Variants in KCNQ1 observed in about 807,000 individuals in gnomAD.
The protein encoded by KCNQ1 is potassium voltage-gated channel subfamily KQT member 1.
A neutral mutation model predicts 72.4 loss-of-function variants in KCNQ1; 49 were observed. That is an observed-to-expected ratio of 0.68 (90% CI 0.54 to 0.86). KCNQ1 has a LOEUF of 0.86. KCNQ1 is among the 40% of genes least tolerant of loss of function. The probability of loss-of-function intolerance (pLI) is 0.00; values close to 1 mark genes in which losing one functional copy is unlikely to be tolerated. For synonymous variants in KCNQ1, 450 were observed against 412.6 expected (o/e 1.09, Z -1.10); for missense variants, 790 against 945.1 (o/e 0.84, Z 2.15).
In KCNQ1 at chr11:2,828,810, G is replaced by A. The variant is rs1358616053; in HGVS notation, c.1795-18957G>A. On this transcript the variant is annotated intron_variant, in intron 15 of 15. Coordinates refer to ENST00000155840, the MANE Select transcript of KCNQ1 (RefSeq NM_000218.3). The surrounding 1 kb of genome is among the most constrained non-coding windows in gnomAD (Gnocchi z 5.3). ...CACTTCCCTCATCAACTCCCAGAAT[G>A]CCCGGTGGGGCACACCATTGTTTTC... Among the ~76,000 whole-genome samples the A allele has an allele frequency of 6.6e-6, 1 of 152,200 alleles. No homozygotes were observed. The highest frequency in any genetic ancestry group is 1.5e-5 in the Non-Finnish European group (1 of 68,032).
rs1158163280 is a variant in KCNQ1 at position 2,559,302 on chromosome 11, A to G, written c.478-11326A>G. 1.3e-5 allele frequency among the ~76,000 whole-genome samples: 2 copies of G among 152,154 alleles called. No homozygotes were observed. The highest frequency in any genetic ancestry group is 2.9e-5 in the Non-Finnish European group (2 of 68,018). On this transcript the variant is annotated intron_variant, in intron 2 of 15. Transcript: ENST00000155840. The surrounding 1 kb of genome is among the most constrained non-coding windows in gnomAD (Gnocchi z 4.9). ...CTGGAGGGTCGTAGAGAAATGTGTG[A>G]ACATGGCTCCCCTTAGGCCAGGGGT...
In KCNQ1 at chr11:2,462,368, C is replaced by G. The variant is rs1193357534; in HGVS notation, c.386+16884C>G. Among the ~76,000 whole-genome samples the G allele has an allele frequency of 6.6e-6, 1 of 152,208 alleles. No homozygotes were observed. ...TCCTCCTCCTTCTGACTTGCCTCCT[C>G]TCTCTGACGGGCCTGCTCCTGAGCT... On this transcript the variant is annotated intron_variant, in intron 1 of 15. Transcript: ENST00000155840. The surrounding 1 kb of genome is among the most constrained non-coding windows in gnomAD (Gnocchi z 8.2).
Position 2,704,097 on chromosome 11 carries a change from G to A in KCNQ1, c.1514+42016G>A, listed in dbSNP as rs903170180. On this transcript the variant is annotated intron_variant, in intron 11 of 15. Transcript: ENST00000155840. The surrounding 1 kb of genome is among the most constrained non-coding windows in gnomAD (Gnocchi z 4.3). ...TGTGGCCCCTCCTCGGTCCCCTTCAGTGAGGCTTTTTGCATGCATTGGTCC... is the reference window on the plus strand; with the variant it reads ...TGTGGCCCCTCCTCGGTCCCCTTCAATGAGGCTTTTTGCATGCATTGGTCC... Among the ~76,000 whole-genome samples the A allele has an allele frequency of 1.3e-5, 2 of 152,238 alleles. No homozygotes were observed. Among genetic ancestry groups the A allele is most frequent in the South Asian group, 2.1e-4 (1 of 4,836 alleles).
At position 2,711,952 on chromosome 11, in the gene KCNQ1, C is replaced by G. The variant is rs1056053686; in HGVS notation, c.1514+49871C>G. 6.6e-5 allele frequency among the ~76,000 whole-genome samples: 10 copies of G among 152,160 alleles called. No individual in the cohort carries two copies. Among genetic ancestry groups the G allele is most frequent in the African/African-American group, 2.4e-4 (10 of 41,518 alleles). On this transcript the variant is annotated intron_variant, in intron 11 of 15. Transcript: ENST00000155840. The surrounding 1 kb of genome is among the most constrained non-coding windows in gnomAD (Gnocchi z 5.4). ...GCTCACCTGCTCACCTGTGTCCATCCCCTTGGGCAGCACACAGCCAAGTCC... is the reference window on the plus strand; with the variant it reads ...GCTCACCTGCTCACCTGTGTCCATCGCCTTGGGCAGCACACAGCCAAGTCC...
chr11:2,520,885 G>A (rs1019428286), intron 1 of KCNQ1, among the ~76,000 whole-genome samples: 2 of 151,976 alleles, frequency 1.3e-5, no homozygotes, highest in South Asian at 4.1e-4. Flanking sequence ...TCCTGCCTTC[G>A]GCTTTAGGTT....
rs1239322470 is a variant in KCNQ1, at chr11:2,526,165, T to C, written c.387-1763T>C. Among the ~76,000 whole-genome samples, 3 of 152,174 alleles carry C rather than the reference T, an allele frequency of 2.0e-5. No individual in the cohort carries two copies. The highest frequency in any genetic ancestry group is 6.5e-5 in the Admixed American group (1 of 15,300). On this transcript the variant is annotated intron_variant, in intron 1 of 15. Transcript: ENST00000155840. The surrounding 1 kb of genome is among the most constrained non-coding windows in gnomAD (Gnocchi z 6.1). Reference sequence around the variant, plus strand: ...AGGGCCGGGAGGAGCTGGGGTGATCTGGGGCCATCGTGGTGTAAATACTGG... The same window carrying C: ...AGGGCCGGGAGGAGCTGGGGTGATCCGGGGCCATCGTGGTGTAAATACTGG...
At position 2,691,161 on chromosome 11, in the gene KCNQ1, A is replaced by T; in HGVS notation, c.1514+29080A>T. The T allele has an allele frequency of 2.5e-6, 1 of 398,638 alleles. No individual in the cohort carries two copies. The highest frequency in any genetic ancestry group is 1.3e-4 in the South Asian group (1 of 7,848). The allele number at this position is 398,638 out of a possible 1,614,324, so 24.7% of individuals were successfully genotyped here. Reference sequence around the variant, plus strand: ...AGTCTGTGCTGGCCTCTGGCCTCTCACAGCCTTGGGAGGGGTGCTCAGAGC... The same window carrying T: ...AGTCTGTGCTGGCCTCTGGCCTCTCTCAGCCTTGGGAGGGGTGCTCAGAGC... On this transcript the variant is annotated intron_variant, in intron 11 of 15. Coordinates refer to ENST00000155840, the MANE Select transcript of KCNQ1 (RefSeq NM_000218.3). This position sits in a 1 kb window ranked among gnomAD's most constrained non-coding sequence, Gnocchi z 6.4.
At chr11:2,584,251 A>G (rs971927652) in intron 7 of KCNQ1, among the ~76,000 whole-genome samples, 1 of 70,342 alleles carries the variant, frequency 1.4e-5, no homozygotes, top group African/African-American at 6.1e-5. Flanking sequence ...TGTCACAGGT[A>G]TGTATCCTAT....
chr11:2,716,940 C>T lies in KCNQ1; in HGVS notation c.1515-51904C>T, dbSNP rs143736377. Among the ~76,000 whole-genome samples, 14 of 152,348 alleles carry T rather than the reference C, an allele frequency of 9.2e-5. No homozygotes were observed. In the East Asian group the frequency reaches 2.7e-3, roughly 29 times the overall value. ...CCTGCAGTAGGAGCTCTGTGCATAT[C>T]CCCTATGTGAGTACAGGAACCTCAG... On this transcript the variant is annotated intron_variant, in intron 11 of 15. Coordinates refer to ENST00000155840, the MANE Select transcript of KCNQ1 (RefSeq NM_000218.3).
At chr11:2,776,603 C>T (rs55812754) in intron 13 of KCNQ1, among the ~76,000 whole-genome samples, 13,878 of 152,268 alleles carry the variant, frequency 0.091, 727 homozygotes, top group Middle Eastern at 0.17. Context: ...GCAGCTGTGC[C>T]TCCGAGATGG....
rs1564847436 is a variant in KCNQ1, at chr11:2,657,533, C to T, written c.1394-4428C>T. 1 of 398,528 alleles carries T rather than the reference C, an allele frequency of 2.5e-6. No individual in the cohort carries two copies. The highest frequency in any genetic ancestry group is 4.4e-6 in the Non-Finnish European group (1 of 226,046). 24.7% of individuals were successfully genotyped at this position (398,528 alleles called of 1,614,324 possible). A position where few individuals can be genotyped will look rare whatever the true frequency, so the allele number is the denominator to read the frequency against. On this transcript the variant is annotated intron_variant, in intron 10 of 15. Transcript: ENST00000155840. This position sits in a 1 kb window ranked among gnomAD's most constrained non-coding sequence, Gnocchi z 4.8. ...GAGAAACAAAAATAGTACCGAGTAC[C>T]CACATCCCTTTCACCAGCTTCCCCT...
In KCNQ1 at chr11:2,564,270, C is replaced by A. The variant is rs754660062; in HGVS notation, c.478-6358C>A. ...CATCCCCATTGCCCTTCTCCTAGTT[C>A]CTGACAAACATGTTCTTTTTAAACA... On this transcript the variant is annotated intron_variant, in intron 2 of 15. Coordinates refer to ENST00000155840, the MANE Select transcript of KCNQ1 (RefSeq NM_000218.3). This position sits in a 1 kb window ranked among gnomAD's most constrained non-coding sequence, Gnocchi z 4.5. Among the ~76,000 whole-genome samples the A allele has an allele frequency of 6.6e-6, 1 of 152,184 alleles. No individual in the cohort carries two copies. The highest frequency in any genetic ancestry group is 1.5e-5 in the Non-Finnish European group (1 of 68,046).
chr11:2,776,393 C>T (rs1846702656), intron 13 of KCNQ1, among the ~76,000 whole-genome samples: 1 of 152,192 alleles, frequency 6.6e-6, no homozygotes, highest in South Asian at 2.1e-4. Flanking sequence ...AACTTCAGGA[C>T]ACTCGGCAGC....
rs1276653167 is a variant in KCNQ1, at chr11:2,678,660, T to G, written c.1514+16579T>G. On this transcript the variant is annotated intron_variant, in intron 11 of 15. Coordinates refer to ENST00000155840, the MANE Select transcript of KCNQ1 (RefSeq NM_000218.3). The surrounding 1 kb of genome is among the most constrained non-coding windows in gnomAD (Gnocchi z 4.9). ...GGGAAGCTCATTTTCACAAATGCAG[T>G]CAACCAGGGGAATTCATGGCATGGC... The G allele has an allele frequency of 7.5e-6, 3 of 398,490 alleles. No individual in the cohort carries two copies. The Admixed American group carries it at 1.3e-4, about 18-fold the overall frequency. 24.7% of individuals were successfully genotyped at this position (398,490 alleles called of 1,614,324 possible). A position where few individuals can be genotyped will look rare whatever the true frequency, so the allele number is the denominator to read the frequency against.
rs564970389 is a variant in KCNQ1 at position 2,497,470 on chromosome 11, T to A, written c.387-30458T>A. Among the ~76,000 whole-genome samples, 362 of 152,318 alleles carry A rather than the reference T, an allele frequency of 2.4e-3. No homozygotes were observed. The highest frequency in any genetic ancestry group is 7.9e-3 in the African/African-American group (330 of 41,552). On this transcript the variant is annotated intron_variant, in intron 1 of 15. Coordinates refer to ENST00000155840, the MANE Select transcript of KCNQ1 (RefSeq NM_000218.3). The surrounding 1 kb of genome is among the most constrained non-coding windows in gnomAD (Gnocchi z 4.5). Reference sequence around the variant, plus strand: ...ACTTGATTCATTTGGCTATTGATACTTGTGTATGCATCACAAAGTTCTCAT... The same window carrying A: ...ACTTGATTCATTTGGCTATTGATACATGTGTATGCATCACAAAGTTCTCAT...
intron 8 of KCNQ1, among the ~76,000 whole-genome samples, chr11:2,586,029 T>C (rs1334665681): frequency 1.3e-5 from 2 of 152,224 alleles, no homozygotes; most frequent in Admixed American, 6.5e-5. Flanking sequence ...GTCTCTCTTG[T>C]TGGCCACTGC....
intron 15 of KCNQ1, among the ~76,000 whole-genome samples, chr11:2,779,985 C>T (rs1185514504): frequency 6.6e-6 from 1 of 152,246 alleles, no homozygotes; most frequent in Non-Finnish European, 1.5e-5. Flanking sequence ...CTGTCAGGCT[C>T]TGAGCCGGGG....
At position 2,769,824 on chromosome 11, in the gene KCNQ1, T is replaced by C. The variant is rs1190024514; in HGVS notation, c.1590+905T>C. ...GCAGGGCAGGGTGGGGCTTCTGAGCTGGGGGCCCCTGGCACCTCAGCCACA... is the reference window on the plus strand; with the variant it reads ...GCAGGGCAGGGTGGGGCTTCTGAGCCGGGGGCCCCTGGCACCTCAGCCACA... On this transcript the variant is annotated intron_variant, in intron 12 of 15. Transcript: ENST00000155840. This position sits in a 1 kb window ranked among gnomAD's most constrained non-coding sequence, Gnocchi z 4.6. 6.6e-6 allele frequency among the ~76,000 whole-genome samples: 1 copy of C among 151,932 alleles called. No homozygotes were observed. Among genetic ancestry groups the C allele is most frequent in the East Asian group, 1.9e-4 (1 of 5,160 alleles).
intron 10 of KCNQ1, chr11:2,650,650 CT>C (rs1849742843): frequency 7.5e-6 from 3 of 398,622 alleles, no homozygotes; most frequent in Non-Finnish European, 1.3e-5. Flanking sequence ...TACCTTCAAA[CT>C]TTTTGACAAA....
Sources: gnomAD v4.1 joint callset for allele counts (sites outside exome capture counted in the v4.1 genomes callset) on GRCh38, gnomAD v4.1.1 for gene constraint, Gnocchi (gnomAD v3.1) non-coding constraint, MANE v1.5 for transcripts, NCBI Gene and HGNC (gene_info 2026-07-23, HGNC 2026-07-21) for gene names.